Variants in EVC2 observed in about 807,000 individuals in gnomAD.
EVC2 encodes the protein limbin.
A neutral mutation model predicts 149.3 loss-of-function variants in EVC2; 148 were observed. The ratio of observed to expected loss-of-function variants is 0.99; its 90% CI spans 0.87 to 1.14. The LOEUF (loss-of-function observed/expected upper bound fraction) is 1.14, where lower values mean the gene tolerates loss of function less well. Among genes scored for constraint, EVC2 ranks in the 50% most tolerant of loss-of-function variants. EVC2 has a pLI of 0.00. For missense variants in EVC2, 1,854 were observed against 1,627.3 expected (o/e 1.14, Z -2.40); for synonymous variants, 776 against 649.9 (o/e 1.19, Z -2.95).
At chr4:5,665,780 G>T in intron 7 of EVC2, 131 bp from the exon 8 acceptor site, 1 of 1,417,752 alleles carries the variant, frequency 7.1e-7, no homozygotes, top group Non-Finnish European at 9.7e-7. Context: ...GTCTCGCTCT[G>T]CCAGCTACCA....
intron 6 of EVC2, among the ~76,000 whole-genome samples, chr4:5,683,841 C>CACACAGCTGCCCAGGA (rs1394504189): frequency 1.5e-4 from 19 of 130,840 alleles, no homozygotes. Flanking sequence ...CCCAGGAACA[C>CACACAGCTGCCCAGGA]ACACACACAG....
intron 14 of EVC2, among the ~76,000 whole-genome samples, chr4:5,621,141 T>C (rs1467708217): frequency 1.3e-5 from 2 of 152,162 alleles, no homozygotes; most frequent in African/African-American, 4.8e-5. Flanking sequence ...TGGGGACCTA[T>C]TTTCCTGGTA....
chr4:5,643,192 G>C (rs1577198350), intron 9 of EVC2, among the ~76,000 whole-genome samples: 1 of 152,184 alleles, frequency 6.6e-6, no homozygotes, highest in Non-Finnish European at 1.5e-5. Flanking sequence ...AAACTAGCAA[G>C]TATCAGATCA....
intron 16 of EVC2, among the ~76,000 whole-genome samples, chr4:5,604,995 G>T (rs963114069): frequency 2.7e-5 from 4 of 150,774 alleles, no homozygotes. Context: ...TGATGAGGAT[G>T]AAGACCTTTA....
chr4:5,695,537 C>A (rs1357732476), intron 2 of EVC2, among the ~76,000 whole-genome samples: 10 of 152,158 alleles, frequency 6.6e-5, no homozygotes, highest in African/African-American at 2.4e-4. Flanking sequence ...TGGGACCTTG[C>A]ACAGGTCAGC....
At chr4:5,593,858 C>T (rs1713090527) in intron 16 of EVC2, among the ~76,000 whole-genome samples, 1 of 152,198 alleles carries the variant, frequency 6.6e-6, no homozygotes. Context: ...AATTGGGTCA[C>T]TCCCACCCTA....
rs374296936 is a variant in EVC2, at chr4:5,614,340, G to C, written c.2829+1082C>G. Among the ~76,000 whole-genome samples, 4 of 152,288 alleles carry C rather than the reference G, an allele frequency of 2.6e-5. No individual in the cohort carries two copies. The highest frequency in any genetic ancestry group is 9.6e-5 in the African/African-American group (4 of 41,554). ...GGGCTCGCCTCTACTGGAGAGCAGG[G>C]ACCAGGGCTGCCTCAGTCACTGCTG... On this transcript the variant is annotated intron_variant, in intron 16 of 21. Transcript: ENST00000344408. This position sits in a 1 kb window ranked among gnomAD's most constrained non-coding sequence, Gnocchi z 4.7.
chr4:5,703,543 G>A (rs1253800935), intron 1 of EVC2, among the ~76,000 whole-genome samples: 4 of 152,184 alleles, frequency 2.6e-5, no homozygotes, highest in African/African-American at 9.7e-5. Context: ...CACACTTCTA[G>A]ACTCTCAGCC....
At chr4:5,609,699 C>T (rs1247295930) in intron 16 of EVC2, among the ~76,000 whole-genome samples, 3 of 152,228 alleles carry the variant, frequency 2.0e-5, no homozygotes, top group Non-Finnish European at 2.9e-5. Context: ...AGCCAAGGCA[C>T]GCTCACCCTG....
intron 21 of EVC2, among the ~76,000 whole-genome samples, chr4:5,556,179 C>CAAAAAA (rs61024761): frequency 9.2e-5 from 6 of 65,034 alleles, no homozygotes; most frequent in East Asian, 6.5e-4. Context: ...GACTCCGTCT[C>CAAAAAA]AAAAAAAAAA....
intron 21 of EVC2, among the ~76,000 whole-genome samples, chr4:5,564,447 C>A (rs184312411): frequency 1.6e-4 from 24 of 152,272 alleles, no homozygotes; most frequent in Non-Finnish European, 2.8e-4. Context: ...ATTGTGATAA[C>A]CAGGCTACTA....
the EVC2 span, among the ~76,000 whole-genome samples, chr4:5,532,848 A>T: frequency 6.6e-6 from 1 of 151,718 alleles, no homozygotes; most frequent in Non-Finnish European, 1.5e-5. Flanking sequence ...CTGAGCAGGG[A>T]TGGGAGCAGA....
At chr4:5,541,171 C>G (rs962079321), downstream of EVC2, among the ~76,000 whole-genome samples, 1 of 152,196 alleles carries the variant, frequency 6.6e-6, no homozygotes, top group African/African-American at 2.4e-5. Context: ...AAAAGAGAAG[C>G]AATTTCACGG....
chr4:5,687,005 C>T (rs897826930), intron 5 of EVC2, among the ~76,000 whole-genome samples: 1 of 152,122 alleles, frequency 6.6e-6, no homozygotes, highest in African/African-American at 2.4e-5. Context: ...GCCTGTAATC[C>T]TAGCACTTTG....
intron 21 of EVC2, among the ~76,000 whole-genome samples, chr4:5,546,227 G>C (rs1284385335): frequency 2.0e-5 from 3 of 152,172 alleles, no homozygotes; most frequent in African/African-American, 7.2e-5. Context: ...TATACCCAAA[G>C]GACTATAAAT....
In EVC2 at chr4:5,677,845, T is replaced by G. The variant is rs1210689103; in HGVS notation, c.870+3415A>C. On this transcript the variant is annotated intron_variant, in intron 7 of 21. Coordinates refer to ENST00000344408, the MANE Select transcript of EVC2 (RefSeq NM_147127.5). The surrounding 1 kb of genome is among the most constrained non-coding windows in gnomAD (Gnocchi z 4.3). ...GCTCACAGACCACCAGAAGACTGGT[T>G]ACCAGTGCACCCGACAGCCTCACTA... Among the ~76,000 whole-genome samples, 2 of 152,190 alleles carry G rather than the reference T, an allele frequency of 1.3e-5. No individual in the cohort carries two copies. The highest frequency in any genetic ancestry group is 2.1e-4 in the South Asian group (1 of 4,828).
intron 9 of EVC2, among the ~76,000 whole-genome samples, chr4:5,652,057 C>A (rs115040140): frequency 2.0e-5 from 3 of 152,298 alleles, no homozygotes; most frequent in Non-Finnish European, 4.4e-5. Flanking sequence ...GGGAAGCTGG[C>A]GAAGGCTTTT....
chr4:5,653,254 A>T (rs1718271723), intron 9 of EVC2, among the ~76,000 whole-genome samples: 1 of 152,230 alleles, frequency 6.6e-6, no homozygotes, highest in Non-Finnish European at 1.5e-5. Context: ...CTGTCCAAGG[A>T]GTTATGACTT....
intron 21 of EVC2, among the ~76,000 whole-genome samples, chr4:5,546,091 C>G (rs1000060661): frequency 6.6e-6 from 1 of 152,104 alleles, no homozygotes; most frequent in Non-Finnish European, 1.5e-5. Flanking sequence ...TGTGGAGAAA[C>G]AGGAACACTT....
Sources: allele counts gnomAD v4.1 joint callset (sites outside exome capture counted in the v4.1 genomes callset), GRCh38; gene constraint gnomAD v4.1.1; non-coding constraint Gnocchi (gnomAD v3.1); transcripts MANE v1.5; gene names NCBI Gene and HGNC (gene_info 2026-07-23, HGNC 2026-07-21).